Variants in DENND6A observed in about 807,000 individuals in gnomAD.
DENND6A encodes DENN domain containing 6A.
In DENND6A, 43 loss-of-function variants were observed where a neutral mutation model predicts 95.5. That is an observed-to-expected ratio of 0.45 (90% CI 0.35 to 0.58). The LOEUF is 0.58. Among genes scored for constraint, DENND6A ranks in the 20% least tolerant of loss-of-function variants. The pLI, the probability that DENND6A is intolerant of heterozygous loss-of-function variation, is 0.00. For synonymous variants in DENND6A, 257 were observed against 260.4 expected, an observed-to-expected ratio of 0.99 and a Z score of 0.13; for missense variants, 574 against 736.0, an observed-to-expected ratio of 0.78 and a Z score of 2.55.
At chr3:57,649,859 T>C (rs2071164542) in intron 9 of DENND6A, among the ~76,000 whole-genome samples, 1 of 134,974 alleles carries the variant, frequency 7.4e-6, no homozygotes, top group Admixed American at 7.9e-5. Context: ...TCTATCCCAC[T>C]AGACCACGTC....
chr3:57,633,522 GAAA>G (rs2070728922), intron 14 of DENND6A, among the ~76,000 whole-genome samples, 168 bp from the exon 15 acceptor site: 1 of 152,188 alleles, frequency 6.6e-6, no homozygotes, highest in South Asian at 2.1e-4. Context: ...AATATCCTGT[GAAA>G]ATAATCTTTA....
intron 5 of DENND6A, among the ~76,000 whole-genome samples, chr3:57,663,364 C>T (rs2071463145): frequency 6.9e-6 from 1 of 144,298 alleles, no homozygotes; most frequent in African/African-American, 2.5e-5. Flanking sequence ...ACTTGGGAGA[C>T]GGAGGCACAG....
chr3:57,634,357 CG>C (rs1427532312), intron 14 of DENND6A, among the ~76,000 whole-genome samples, 200 bp downstream of exon 14: 3 of 150,098 alleles, frequency 2.0e-5, no homozygotes, highest in African/African-American at 7.4e-5. Flanking sequence ...CACTTGAACC[CG>C]GGAGGTGGAG....
At chr3:57,655,332 G>A (rs941345378) in intron 9 of DENND6A, among the ~76,000 whole-genome samples, 1 of 151,962 alleles carries the variant, frequency 6.6e-6, no homozygotes, top group Non-Finnish European at 1.5e-5. Flanking sequence ...TGCATCTGGC[G>A]GGAAACAAGA....
At chr3:57,632,973 A>G (rs969978409) in intron 15 of DENND6A, among the ~76,000 whole-genome samples, 3 of 152,224 alleles carry the variant, frequency 2.0e-5, no homozygotes, top group Non-Finnish European at 2.9e-5. Context: ...CATATAAAGT[A>G]TATCATTTAA....
intron 9 of DENND6A, among the ~76,000 whole-genome samples, chr3:57,657,061 T>A (rs1237468083): frequency 2.0e-5 from 3 of 152,242 alleles, no homozygotes; most frequent in African/African-American, 7.2e-5. Context: ...TTTTTCAAGC[T>A]GGCCTATACA....
At chr3:57,688,510 A>G (rs1409027736) in intron 1 of DENND6A, among the ~76,000 whole-genome samples, 1 of 152,028 alleles carries the variant, frequency 6.6e-6, no homozygotes, top group Admixed American at 6.6e-5. Flanking sequence ...ATGCTGAGCC[A>G]ATCAGATACT....
chr3:57,663,394 G>A (rs2071463671), intron 5 of DENND6A, among the ~76,000 whole-genome samples: 1 of 140,214 alleles, frequency 7.1e-6, no homozygotes, highest in Admixed American at 8.0e-5. Flanking sequence ...AACCCAGGAG[G>A]CAGAGGTTGC....
intron 4 of DENND6A, among the ~76,000 whole-genome samples, chr3:57,665,181 T>C (rs578092458): frequency 3.2e-4 from 49 of 152,300 alleles, no homozygotes; most frequent in African/African-American, 1.1e-3. Flanking sequence ...GTCCAAAAAG[T>C]GAGGACAAGG....
chr3:57,678,091 G>T (rs1429739095), intron 1 of DENND6A, among the ~76,000 whole-genome samples: 1 of 152,000 alleles, frequency 6.6e-6, no homozygotes, highest in Non-Finnish European at 1.5e-5. Context: ...TAAAGGAAAT[G>T]ATTCTTTTTT....
rs1199847654 is a variant in DENND6A, at chr3:57,692,939, C to G, written c.80G>C (p.Arg27Pro). Residue 27 changes from arginine to proline, a missense_variant, in exon 1 of 20, where the codon CGC (arginine) becomes CCC (proline). Arg to Pro is a moderately radical substitution (Grantham distance 103). This residue lies in a region of DENND6A where 122 missense variants were observed against 105.1 expected (regional missense o/e 1.16). Transcript: ENST00000311128. ...LDEAVAGAEG[R>P]EAPALVAAGG... ...CGCCGCCACAAGGGCCGGCGCCTCGCGGCCCTCGGCCCCTGCCACCGCTTC... is the reference window on the plus strand; with the variant it reads ...CGCCGCCACAAGGGCCGGCGCCTCGGGGCCCTCGGCCCCTGCCACCGCTTC... 6.4e-7 allele frequency: 1 copy of G among 1,553,396 alleles called. No homozygotes were observed. Among genetic ancestry groups the G allele is most frequent in the Non-Finnish European group, 8.6e-7 (1 of 1,156,856 alleles).
intron 1 of DENND6A, among the ~76,000 whole-genome samples, chr3:57,687,757 A>T (rs2077224345): frequency 6.6e-6 from 1 of 151,914 alleles, no homozygotes; most frequent in Admixed American, 6.6e-5. Context: ...ACAAAGCAAG[A>T]CCCCATCTCT....
At chr3:57,689,359 A>G (rs2077240286) in intron 1 of DENND6A, among the ~76,000 whole-genome samples, 1 of 152,056 alleles carries the variant, frequency 6.6e-6, no homozygotes, top group South Asian at 2.1e-4. Context: ...CTGTATTCGG[A>G]TAATTAAGGC....
intron 9 of DENND6A, chr3:57,654,528 T>A: frequency 2.8e-6 from 2 of 704,538 alleles, no homozygotes; most frequent in Non-Finnish European, 3.5e-6. Flanking sequence ...AGGTGATAAC[T>A]GATGTGTCTC....
intron 1 of DENND6A, among the ~76,000 whole-genome samples, chr3:57,687,032 T>A (rs1009212737): frequency 1.3e-5 from 2 of 152,160 alleles, no homozygotes; most frequent in Non-Finnish European, 2.9e-5. Context: ...TTTTTCTTTC[T>A]TTTTTTCTAT....
At chr3:57,650,487 G>A (rs1004868581) in intron 9 of DENND6A, among the ~76,000 whole-genome samples, 2 of 151,800 alleles carry the variant, frequency 1.3e-5, no homozygotes, top group African/African-American at 4.8e-5. Flanking sequence ...CCACTTGAGA[G>A]GGTCTAAAAG....
intron 1 of DENND6A, among the ~76,000 whole-genome samples, chr3:57,674,400 A>T (rs1406038814): frequency 6.6e-6 from 1 of 151,160 alleles, no homozygotes; most frequent in African/African-American, 2.4e-5. Flanking sequence ...TGGGAGGCCG[A>T]GGCAGGTGGA....
intron 5 of DENND6A, among the ~76,000 whole-genome samples, chr3:57,662,361 T>C (rs927562087): frequency 1.3e-5 from 2 of 151,750 alleles, no homozygotes; most frequent in African/African-American, 2.4e-5. Context: ...TGGCTATTTT[T>C]TGGGGGTCAG....
At position 57,693,038 on chromosome 3, in the gene DENND6A, C is replaced by G. The variant is rs760156213; in HGVS notation, c.-20G>C. 2.9e-6 allele frequency: 4 copies of G among 1,389,246 alleles called. No individual in the cohort carries two copies. Among genetic ancestry groups the G allele is most frequent in the African/African-American group, 1.5e-5 (1 of 65,858 alleles). 86.1% of individuals were successfully genotyped at this position (1,389,246 alleles called of 1,614,324 possible). A position where few individuals can be genotyped will look rare whatever the true frequency, so the allele number is the denominator to read the frequency against. ...AGCCATCGGCCGCCCCCTGACCGTT[C>G]GCGCCGCCTCCACAGCGGACCGCGC... On this transcript the variant is annotated 5_prime_UTR_variant, in exon 1 of 20. Coordinates refer to ENST00000311128, the MANE Select transcript of DENND6A (RefSeq NM_152678.3).
Sources: allele counts gnomAD v4.1 joint callset (sites outside exome capture counted in the v4.1 genomes callset), GRCh38; gene constraint gnomAD v4.1.1; regional missense constraint gnomAD v4.1.1; transcripts MANE v1.5; gene names NCBI Gene and HGNC (gene_info 2026-07-23, HGNC 2026-07-21).